Variants in APC observed in about 807,000 individuals in gnomAD.
APC encodes APC regulator of Wnt signaling pathway.
A neutral mutation model predicts 247.0 loss-of-function variants in APC; 72 were observed. The observed-to-expected ratio is 0.29, with a 90% CI of 0.24 to 0.35. The LOEUF (loss-of-function observed/expected upper bound fraction) is 0.35. Among genes scored for constraint, APC ranks in the 10% least tolerant of loss-of-function variants. APC has a pLI of 1.00. For missense variants in APC, 3,400 were observed against 3,360.7 expected (o/e 1.01, Z -0.29); for synonymous variants, 1,254 against 1,162.5 (o/e 1.08, Z -1.60).
intron 1 of APC, among the ~76,000 whole-genome samples, chr5:112,748,201 A>G (rs1280378958): frequency 2.0e-5 from 3 of 152,218 alleles, no homozygotes; most frequent in Non-Finnish European, 4.4e-5. Context: ...TATTTACAGA[A>G]TGTAAGCAAA....
intron 8 of APC, among the ~76,000 whole-genome samples, chr5:112,812,468 C>G (rs35227815): frequency 6.6e-6 from 1 of 152,124 alleles, no homozygotes; most frequent in African/African-American, 2.4e-5. Context: ...ATTTGTAGTT[C>G]TGCCTCCCCT....
rs868229341 is a variant in APC at position 112,817,868 on chromosome 5, C to A, written c.934-1098C>A. On this transcript the variant is annotated intron_variant, in intron 9 of 15. Coordinates refer to ENST00000257430, the MANE Select transcript of APC (RefSeq NM_000038.6). ...CACAGCTTGCTCCTAAGAGGTGGAG[C>A]CAAAATTTGAACCTAGCTCCGATGA... 2.0e-5 allele frequency among the ~76,000 whole-genome samples: 3 copies of A among 152,234 alleles called. No homozygotes were observed. The South Asian group carries it at 6.2e-4, about 31-fold the overall frequency.
rs750280766 is a variant in APC, at chr5:112,839,403, G to A, written c.3809G>A (p.Cys1270Tyr). ...TATTGTGTAGAAGATACTCCAATAT[G>A]TTTTTCAAGATGTAGTTCATTATCA... ...QTYCVEDTPI[C>Y]FSRCSSLSSL... is the part of the protein sequence containing the mutation. The change falls in exon 16 of 16, where the codon TGT becomes TAT. Residue 1270 changes from cysteine to tyrosine, a missense_variant. This residue lies in a region of APC where 715 missense variants were observed against 656.6 expected (regional missense o/e 1.09). Coordinates refer to ENST00000257430, the MANE Select transcript of APC (RefSeq NM_000038.6). The surrounding 1 kb of genome is among the most constrained non-coding windows in gnomAD (Gnocchi z 5.0). 1 of 1,614,124 alleles carries A rather than the reference G, an allele frequency of 6.2e-7. No homozygotes were observed. Among genetic ancestry groups the A allele is most frequent in the East Asian group, 2.2e-5 (1 of 44,888 alleles).
intron 4 of APC, among the ~76,000 whole-genome samples, chr5:112,774,620 C>T (rs1379373392): frequency 6.6e-6 from 1 of 151,916 alleles, no homozygotes; most frequent in East Asian, 1.9e-4. Flanking sequence ...ACCACCACAC[C>T]TGGCTAGTTT....
rs1276525166 is a variant in APC, at chr5:112,837,697, G to A, written c.2103G>A (p.Met701Ile). 1 of 1,614,186 alleles carries A rather than the reference G, an allele frequency of 6.2e-7. No individual in the cohort carries two copies. The highest frequency in any genetic ancestry group is 1.1e-5 in the South Asian group (1 of 91,088). The part of the protein sequence containing the change: ...NPKDQEALWD[M>I]GAVSMLKNLI... ...AAGACCAGGAAGCATTATGGGACAT[G>A]GGGGCAGTTAGCATGCTCAAGAACC... The change falls in exon 16 of 16, where the codon ATG becomes ATA. Residue 701 changes from methionine to isoleucine, a missense_variant. Around this residue, in one of 9 missense-constraint regions of APC, gnomAD observed 184 missense variants for 248.0 expected, o/e 0.74. Transcript: ENST00000257430.
intron 1 of APC, among the ~76,000 whole-genome samples, chr5:112,754,202 T>TG (rs1252176728): frequency 6.6e-6 from 1 of 152,190 alleles, no homozygotes; most frequent in Non-Finnish European, 1.5e-5. Flanking sequence ...GCATAGGCTA[T>TG]TATAGTCAAC....
intron 1 of APC, among the ~76,000 whole-genome samples, chr5:112,713,069 G>A (rs1454295363): frequency 6.6e-6 from 1 of 151,478 alleles, no homozygotes; most frequent in Non-Finnish European, 1.5e-5. Context: ...TACTCAGGAG[G>A]CTGAGGCAGG....
At chr5:112,768,685 C>T (rs1756653726) in intron 4 of APC, among the ~76,000 whole-genome samples, 1 of 152,126 alleles carries the variant, frequency 6.6e-6, no homozygotes, top group Non-Finnish European at 1.5e-5. Context: ...CTATTTGAAA[C>T]TATGTAATAT....
At chr5:112,783,396 G>A (rs1758563385) in intron 6 of APC, among the ~76,000 whole-genome samples, 1 of 152,054 alleles carries the variant, frequency 6.6e-6, no homozygotes, top group Admixed American at 6.6e-5. Context: ...TAAGGTTAAA[G>A]AAATTGTAAA....
At chr5:112,828,077 C>A (rs1763902388) in intron 13 of APC, 71 bp downstream of exon 13, 2 of 1,322,748 alleles carry the variant, frequency 1.5e-6, no homozygotes, top group Non-Finnish European at 2.1e-6. Context: ...CTCTGTCACC[C>A]AGGCTTAGAG....
intron 4 of APC, among the ~76,000 whole-genome samples, chr5:112,769,113 G>C (rs11949316): frequency 2.1e-5 from 3 of 139,660 alleles, no homozygotes; most frequent in Non-Finnish European, 3.0e-5. Flanking sequence ...GTGCAGTGGC[G>C]CAATCTTGGC....
Position 112,843,375 on chromosome 5 carries a change from C to G in APC, c.7781C>G (p.Ser2594Cys), listed in dbSNP as rs543396310. 284 of 1,613,748 alleles carry G rather than the reference C, an allele frequency of 1.8e-4. 3 individuals are homozygous for G. In the South Asian group the frequency reaches 2.8e-3, roughly 16 times the overall value. Residue 2594 changes from serine to cysteine, a missense_variant, in exon 16 of 16, where the codon TCT becomes TGT. Physicochemically the swap from Ser to Cys is moderately radical, Grantham distance 112. Around this residue, in one of 9 missense-constraint regions of APC, gnomAD observed 1,788 missense variants for 1,649.5 expected, o/e 1.08. Coordinates refer to ENST00000257430, the MANE Select transcript of APC (RefSeq NM_000038.6). The surrounding 1 kb of genome is among the most constrained non-coding windows in gnomAD (Gnocchi z 4.8). ...AGTGAGGATGAAAAACATGTGAACT[C>G]TATTTCAGGAACCAAACAAAGTAAA... ...AKSEDEKHVNSISGTKQSKEN... is the reference protein window; with the variant it reads ...AKSEDEKHVNCISGTKQSKEN...
intron 1 of APC, among the ~76,000 whole-genome samples, chr5:112,739,286 T>C (rs1182567996): frequency 2.6e-5 from 4 of 152,302 alleles, no homozygotes; most frequent in South Asian, 2.1e-4. Context: ...TGCATACTTA[T>C]AGTAGCCAGC....
chr5:112,820,505 A>G (rs1017626542), intron 10 of APC, among the ~76,000 whole-genome samples: 1 of 152,184 alleles, frequency 6.6e-6, no homozygotes, highest in Non-Finnish European at 1.5e-5. Flanking sequence ...TTTAAAAAGC[A>G]TAAGAAAAAA....
intron 10 of APC, among the ~76,000 whole-genome samples, chr5:112,820,216 C>T (rs1042000350): frequency 2.0e-5 from 3 of 151,732 alleles, no homozygotes; most frequent in Admixed American, 6.6e-5. Flanking sequence ...CACACACACA[C>T]GTGCACTACA....
chr5:112,810,254 G>A (rs182694166), intron 8 of APC: 7 of 396,218 alleles, frequency 1.8e-5, no homozygotes, highest in Non-Finnish European at 3.5e-5. Context: ...ATGGACCTTA[G>A]ATAGGAGGAG....
intron 11 of APC, among the ~76,000 whole-genome samples, chr5:112,823,556 A>G (rs1763351081): frequency 6.6e-6 from 1 of 152,216 alleles, no homozygotes; most frequent in African/African-American, 2.4e-5. Flanking sequence ...GAAATCCCAA[A>G]TAGGTAAAGG....
chr5:112,834,805 C>G (rs760679734), intron 14 of APC, 146 bp from the exon 15 acceptor site: 10 of 717,234 alleles, frequency 1.4e-5, no homozygotes, highest in Non-Finnish European at 2.4e-5. Context: ...GAACATTTTT[C>G]TAAATGGAAA....
intron 1 of APC, among the ~76,000 whole-genome samples, chr5:112,722,548 A>G (rs772453054): frequency 1.2e-4 from 18 of 152,032 alleles, no homozygotes; most frequent in Middle Eastern, 3.2e-3. Flanking sequence ...TCAGGCCCCA[A>G]GACCACCCCC....
Sources: allele counts gnomAD v4.1 joint callset (sites outside exome capture counted in the v4.1 genomes callset), GRCh38; gene constraint gnomAD v4.1.1; regional missense constraint gnomAD v4.1.1; non-coding constraint Gnocchi (gnomAD v3.1); transcripts MANE v1.5; gene names NCBI Gene and HGNC (gene_info 2026-07-23, HGNC 2026-07-21).